The following AGPS variants were observed in gnomAD, a reference collection of about 807,000 sequenced individuals.
AGPS encodes the protein alkylglycerone phosphate synthase, also known as alkyldihydroxyacetonephosphate synthase, peroxisomal.
AGPS carries 26 observed loss-of-function variants against 90.7 expected under a neutral mutation model. That is an observed-to-expected ratio of 0.29 (90% confidence interval 0.21 to 0.40). The LOEUF (loss-of-function observed/expected upper bound fraction) is 0.40. Ranked by LOEUF, AGPS falls within the 10% of genes least tolerant of loss-of-function variation. AGPS has a pLI of 1.00. For missense variants in AGPS, 540 were observed against 816.1 expected, an observed-to-expected ratio of 0.66 and a Z score of 4.12; for synonymous variants, 294 against 285.3, an observed-to-expected ratio of 1.03 and a Z score of -0.31.
intron 11 of AGPS, among the ~76,000 whole-genome samples, chr2:177,482,412 A>G (rs1687972294): frequency 6.6e-6 from 1 of 151,934 alleles, no homozygotes; most frequent in Non-Finnish European, 1.5e-5. Context: ...TATCAAACCT[A>G]TTTCTTGGTC....
At chr2:177,434,997 G>GGGTGTATATA (rs36151985) in intron 3 of AGPS, among the ~76,000 whole-genome samples, 3 of 128,160 alleles carry the variant, frequency 2.3e-5, no homozygotes, top group African/African-American at 9.2e-5. Context: ...TAAACTGTAG[G>GGGTGTATATA]TATATATATA....
chr2:177,495,017 A>G (rs1398764092), intron 12 of AGPS, among the ~76,000 whole-genome samples: 1 of 152,180 alleles, frequency 6.6e-6, no homozygotes, highest in Non-Finnish European at 1.5e-5. Context: ...ATGCCATATT[A>G]TTAGTTGTTA....
chr2:177,523,193 C>G (rs1162413308), intron 18 of AGPS, among the ~76,000 whole-genome samples: 12 of 152,136 alleles, frequency 7.9e-5, no homozygotes, highest in Non-Finnish European at 1.6e-4. Context: ...TTAATAAAGA[C>G]TCTAATAGCT....
intron 11 of AGPS, among the ~76,000 whole-genome samples, chr2:177,490,106 A>C (rs1381190940): frequency 6.6e-6 from 1 of 152,184 alleles, no homozygotes; most frequent in Non-Finnish European, 1.5e-5. Context: ...CCTAATCTTA[A>C]CTGTACATAT....
At chr2:177,522,842 T>C (rs563925200) in intron 18 of AGPS, among the ~76,000 whole-genome samples, 25 of 152,306 alleles carry the variant, frequency 1.6e-4, no homozygotes, top group African/African-American at 5.3e-4. Context: ...CCTGATAGTT[T>C]ATACATACAC....
intron 3 of AGPS, among the ~76,000 whole-genome samples, chr2:177,435,919 A>C (rs1380496557): frequency 6.6e-6 from 1 of 152,170 alleles, no homozygotes; most frequent in Non-Finnish European, 1.5e-5. Flanking sequence ...CAGATGAAGA[A>C]GCCAAGGCTC....
chr2:177,459,237 A>G (rs1687212655), intron 8 of AGPS, among the ~76,000 whole-genome samples: 2 of 152,226 alleles, frequency 1.3e-5, no homozygotes, highest in South Asian at 2.1e-4. Flanking sequence ...AACCTGGACA[A>G]TGCCATTTAG....
In AGPS at chr2:177,501,244, C is replaced by T. The variant is rs150852498; in HGVS notation, c.1475+1514C>T. On this transcript the variant is annotated intron_variant, in intron 14 of 19. Transcript: ENST00000264167. The stretch of plus-strand genomic sequence containing the variant: ...ATTTGCTTAGTTTCACCTCAGTCGT[C>T]TCTCTGCTCACACACACCTCCACAT... Among the ~76,000 whole-genome samples, 474 of 152,148 alleles carry T rather than the reference C, an allele frequency of 3.1e-3. 4 individuals are homozygous for T. The highest frequency in any genetic ancestry group is 0.011 in the African/African-American group (448 of 41,506).
At chr2:177,491,315 G>A (rs935710071) in intron 11 of AGPS, among the ~76,000 whole-genome samples, 1 of 151,520 alleles carries the variant, frequency 6.6e-6, no homozygotes, top group Admixed American at 6.6e-5. Flanking sequence ...CGCCCAGCAG[G>A]CTGGAGTGCA....
At chr2:177,449,726 C>T (rs1362604423) in intron 8 of AGPS, among the ~76,000 whole-genome samples, 1 of 152,176 alleles carries the variant, frequency 6.6e-6, no homozygotes, top group African/African-American at 2.4e-5. Flanking sequence ...TGTGTCTGGC[C>T]TCATTGTAGT....
chr2:177,483,641 GC>G (rs1310939127), intron 11 of AGPS, among the ~76,000 whole-genome samples: 1 of 152,094 alleles, frequency 6.6e-6, no homozygotes, highest in Non-Finnish European at 1.5e-5. Flanking sequence ...TACATTAGAG[GC>G]CCTAATTCAC....
At chr2:177,421,991 G>T (rs984013225) in intron 2 of AGPS, among the ~76,000 whole-genome samples, 1 of 151,628 alleles carries the variant, frequency 6.6e-6, no homozygotes, top group Non-Finnish European at 1.5e-5. Context: ...TATATGAGAA[G>T]GTGTGTGTGT....
At chr2:177,502,111 A>G (rs979500282) in intron 14 of AGPS, among the ~76,000 whole-genome samples, 1 of 152,224 alleles carries the variant, frequency 6.6e-6, no homozygotes, top group Non-Finnish European at 1.5e-5. Context: ...AGGCCCAAGC[A>G]CTATTGCTGT....
Position 177,467,604 on chromosome 2 carries a change from A to G in AGPS, c.997-812A>G, listed in dbSNP as rs76673385. 6.4e-3 allele frequency among the ~76,000 whole-genome samples: 979 copies of G among 152,178 alleles called. 11 individuals carry two copies. The highest frequency in any genetic ancestry group is 0.021 in the African/African-American group (888 of 41,536). On this transcript the variant is annotated intron_variant, in intron 9 of 19. Coordinates refer to ENST00000264167, the MANE Select transcript of AGPS (RefSeq NM_003659.4). ...CTGGACGTCTTATTTATGTTTTTGT[A>G]TTTTGTTAATTGCTAGTGAATGTAA...
At chr2:177,521,219 C>T (rs542339633) in intron 17 of AGPS, 50 bp from the exon 18 acceptor site, 124 of 1,477,140 alleles carry the variant, frequency 8.4e-5, no homozygotes, top group Non-Finnish European at 1.1e-4. Flanking sequence ...GATGTTAAAT[C>T]TGATTTCACT....
intron 10 of AGPS, among the ~76,000 whole-genome samples, chr2:177,472,145 T>C (rs1574396634): frequency 1.3e-5 from 2 of 151,768 alleles, no homozygotes; most frequent in South Asian, 4.2e-4. Context: ...TCAGTTTTCA[T>C]CCTCAGGGAC....
chr2:177,500,975 T>C (rs1688546330), intron 14 of AGPS, among the ~76,000 whole-genome samples: 1 of 152,168 alleles, frequency 6.6e-6, no homozygotes, highest in Admixed American at 6.5e-5. Flanking sequence ...TTTTAGTTTC[T>C]AAGTTATAGG....
rs559369397 is a variant in AGPS, at chr2:177,448,535, A to G, written c.870+2909A>G. On this transcript the variant is annotated intron_variant, in intron 8 of 19. Transcript: ENST00000264167. Reference sequence around the variant, plus strand: ...TAAAAACTGAATTTTTAGAGGAAAAATTTGCAATCTTGTCTCCAAAATGTG... The same window carrying G: ...TAAAAACTGAATTTTTAGAGGAAAAGTTTGCAATCTTGTCTCCAAAATGTG... Among the ~76,000 whole-genome samples, 380 of 152,222 alleles carry G rather than the reference A, an allele frequency of 2.5e-3. 4 individuals are homozygous for G. The highest frequency in any genetic ancestry group is 8.7e-3 in the African/African-American group (363 of 41,526).
intron 7 of AGPS, among the ~76,000 whole-genome samples, chr2:177,442,828 C>CAAAA (rs71007994): frequency 6.0e-5 from 6 of 99,398 alleles, no homozygotes; most frequent in South Asian, 3.3e-4. Context: ...GCCTGGGTGA[C>CAAAA]AAAAAAAAAA....
Sources: allele counts gnomAD v4.1 joint callset (sites outside exome capture counted in the v4.1 genomes callset), GRCh38; gene constraint gnomAD v4.1.1; transcripts MANE v1.5; gene names NCBI Gene and HGNC (gene_info 2026-07-23, HGNC 2026-07-21).